ROR2: variants seen among roughly 807,000 people sequenced by gnomAD.
ROR2 encodes the protein ROR family WNT receptor 2, also known as tyrosine-protein kinase transmembrane receptor ROR2.
Under a neutral mutation model 74.9 loss-of-function variants are expected in ROR2, and 33 were observed. The ratio of observed to expected loss-of-function variants is 0.44; its 90% CI spans 0.33 to 0.59. The LOEUF (loss-of-function observed/expected upper bound fraction) is 0.59. ROR2 is among the 20% of genes least tolerant of loss of function. ROR2 has a pLI of 0.02. For synonymous variants in ROR2, 586 were observed against 558.7 expected (o/e 1.05, Z -0.69); for missense variants, 1,216 against 1,313.8 (o/e 0.93, Z 1.15).
chr9:91,787,555 T>C (rs1192918746), intron 1 of ROR2, among the ~76,000 whole-genome samples: 1 of 152,082 alleles, frequency 6.6e-6, no homozygotes, highest in South Asian at 2.1e-4. Context: ...ATTTAAAAAT[T>C]AGCAGATAAC....
chr9:91,745,769 T>C (rs1489584023), intron 4 of ROR2, among the ~76,000 whole-genome samples: 2 of 152,192 alleles, frequency 1.3e-5, no homozygotes, highest in Admixed American at 1.3e-4. Flanking sequence ...TCGAATTATC[T>C]TACTGATGAT....
chr9:91,942,704 G>A lies in ROR2; in HGVS notation c.97+7163C>T, dbSNP rs182381507. Reference sequence around the variant, plus strand: ...GAGATTAAATCATCCTGTATTTACAGTGGTCCCTAAATCCAATCACTGGTG... The same window carrying A: ...GAGATTAAATCATCCTGTATTTACAATGGTCCCTAAATCCAATCACTGGTG... On this transcript the variant is annotated intron_variant, in intron 1 of 8. Coordinates refer to ENST00000375708, the MANE Select transcript of ROR2 (RefSeq NM_004560.4). 2.8e-4 allele frequency among the ~76,000 whole-genome samples: 43 copies of A among 152,262 alleles called. 1 individual carries two copies. In the Middle Eastern group the frequency reaches 0.024, roughly 84 times the overall value.
intron 1 of ROR2, among the ~76,000 whole-genome samples, chr9:91,856,302 C>T (rs1462642749): frequency 6.6e-6 from 1 of 152,234 alleles, no homozygotes; most frequent in Non-Finnish European, 1.5e-5. Flanking sequence ...CTTCAGTGAG[C>T]TGTGGTTGCA....
At chr9:91,808,951 T>C (rs58953970) in intron 1 of ROR2, among the ~76,000 whole-genome samples, 19,740 of 149,428 alleles carry the variant, frequency 0.13, 2,388 homozygotes, top group East Asian at 0.31. Flanking sequence ...TGCAGTGAGC[T>C]GAGATCGCGC....
chr9:91,815,096 A>G (rs550631847), intron 1 of ROR2, among the ~76,000 whole-genome samples: 2 of 152,386 alleles, frequency 1.3e-5, no homozygotes, highest in South Asian at 4.1e-4. Context: ...AGGTAATACA[A>G]GTAATTTAAT....
intron 1 of ROR2, among the ~76,000 whole-genome samples, chr9:91,922,927 C>CA (rs1564041144): frequency 6.6e-6 from 1 of 151,922 alleles, no homozygotes; most frequent in Non-Finnish European, 1.5e-5. Flanking sequence ...GCCTGCCTCT[C>CA]AAAGCCCTGT....
At chr9:91,917,665 T>C (rs941493581) in intron 1 of ROR2, among the ~76,000 whole-genome samples, 2 of 152,188 alleles carry the variant, frequency 1.3e-5, no homozygotes, top group African/African-American at 4.8e-5. Flanking sequence ...GCTCCCCACA[T>C]TGGGCAAAAC....
At chr9:91,814,909 G>A (rs1055381038) in intron 1 of ROR2, among the ~76,000 whole-genome samples, 56 of 152,260 alleles carry the variant, frequency 3.7e-4, no homozygotes, top group African/African-American at 7.9e-4. Flanking sequence ...TGGTTTCCAC[G>A]GGCTTAGAGA....
intron 5 of ROR2, among the ~76,000 whole-genome samples, chr9:91,736,644 A>G (rs1009665390): frequency 3.3e-5 from 5 of 152,214 alleles, no homozygotes; most frequent in Admixed American, 6.5e-5. Context: ...AGGGCTCTGT[A>G]GGACTATTGT....
At chr9:91,902,879 A>C (rs906873391) in intron 1 of ROR2, among the ~76,000 whole-genome samples, 1 of 152,158 alleles carries the variant, frequency 6.6e-6, no homozygotes, top group Non-Finnish European at 1.5e-5. Flanking sequence ...TGCATGTTCC[A>C]CTTCTACAAG....
At chr9:91,850,872 C>A (rs904897284) in intron 1 of ROR2, among the ~76,000 whole-genome samples, 1 of 152,084 alleles carries the variant, frequency 6.6e-6, no homozygotes, top group African/African-American at 2.4e-5. Context: ...TTATTAAGAA[C>A]GATTTTCCTA....
intron 1 of ROR2, among the ~76,000 whole-genome samples, chr9:91,906,600 C>T (rs1211287949): frequency 6.6e-6 from 1 of 152,182 alleles, no homozygotes; most frequent in Non-Finnish European, 1.5e-5. Context: ...TCAAGAAAAT[C>T]CCCTCGGTTT....
intron 1 of ROR2, among the ~76,000 whole-genome samples, chr9:91,897,900 G>A (rs1345798956): frequency 6.6e-6 from 1 of 152,184 alleles, no homozygotes; most frequent in Admixed American, 6.5e-5. Context: ...TGTGTGGTGA[G>A]GAAGGTGGAC....
chr9:91,911,486 C>T (rs200102974), intron 1 of ROR2, among the ~76,000 whole-genome samples: 1 of 151,044 alleles, frequency 6.6e-6, no homozygotes, highest in Non-Finnish European at 1.5e-5. Context: ...TATATGTGGT[C>T]TGCTGTTGAC....
At chr9:91,886,315 C>T (rs936820287) in intron 1 of ROR2, among the ~76,000 whole-genome samples, 3 of 152,152 alleles carry the variant, frequency 2.0e-5, no homozygotes, top group Admixed American at 1.3e-4. Flanking sequence ...CCACCAGGGC[C>T]ATCATTCTCC....
At chr9:91,779,870 T>G (rs1026830209) in intron 1 of ROR2, among the ~76,000 whole-genome samples, 8 of 152,236 alleles carry the variant, frequency 5.3e-5, no homozygotes, top group African/African-American at 1.9e-4. Flanking sequence ...AGCTGAGTCC[T>G]ACAGGAATTG....
chr9:91,837,615 G>C (rs1828649085), intron 1 of ROR2, among the ~76,000 whole-genome samples: 1 of 152,166 alleles, frequency 6.6e-6, no homozygotes, highest in Non-Finnish European at 1.5e-5. Flanking sequence ...ATCAATTAAA[G>C]GATCAGCAGT....
intron 4 of ROR2, among the ~76,000 whole-genome samples, chr9:91,754,544 C>T (rs1323027860): frequency 6.6e-6 from 1 of 152,044 alleles, no homozygotes; most frequent in African/African-American, 2.4e-5. Context: ...GTAATTTCAG[C>T]TACTCGAGGC....
chr9:91,901,177 A>C (rs1037356707), intron 1 of ROR2, among the ~76,000 whole-genome samples: 1 of 152,216 alleles, frequency 6.6e-6, no homozygotes, highest in Admixed American at 6.5e-5. Context: ...CTATACTATA[A>C]ATAGGTATAC....
Sources: gnomAD v4.1 joint callset for allele counts (sites outside exome capture counted in the v4.1 genomes callset) on GRCh38, gnomAD v4.1.1 for gene constraint, MANE v1.5 for transcripts, NCBI Gene and HGNC (gene_info 2026-07-23, HGNC 2026-07-21) for gene names.